Variants in POU2F1 observed in about 807,000 individuals in gnomAD.
POU2F1 encodes the protein POU class 2 homeobox 1, also known as POU domain, class 2, transcription factor 1.
POU2F1 carries 16 observed loss-of-function variants against 84.9 expected under a neutral mutation model. The ratio of observed to expected loss-of-function variants is 0.19; its 90% CI spans 0.13 to 0.29. The LOEUF is 0.29. POU2F1 is among the 10% of genes least tolerant of loss of function. The probability of loss-of-function intolerance (pLI) is 1.00; values close to 1 mark genes in which losing one functional copy is unlikely to be tolerated. For missense variants in POU2F1, 738 were observed against 942.6 expected (o/e 0.78, Z 2.84); for synonymous variants, 368 against 368.3 (o/e 1.00, Z 0.01).
intron 1 of POU2F1, among the ~76,000 whole-genome samples, chr1:167,298,684 C>T (rs987329820): frequency 1.7e-4 from 26 of 152,102 alleles, no homozygotes; most frequent in South Asian, 4.1e-4. Context: ...ATAATACTGA[C>T]GGCATTTAGC....
chr1:167,250,157 C>T (rs1650615116), intron 1 of POU2F1, among the ~76,000 whole-genome samples: 1 of 151,642 alleles, frequency 6.6e-6, no homozygotes, highest in Non-Finnish European at 1.5e-5. Context: ...TCATTCTGGA[C>T]AATCTGTTCT....
intron 15 of POU2F1, 120 bp from the exon 16 acceptor site, chr1:167,415,380 G>A (rs1650232857): frequency 8.3e-6 from 9 of 1,081,534 alleles, no homozygotes; most frequent in Admixed American, 7.3e-5. Context: ...TTCAGTGAAG[G>A]GCTATACTTT....
At chr1:167,302,864 A>T (rs536253398) in intron 1 of POU2F1, among the ~76,000 whole-genome samples, 2 of 152,290 alleles carry the variant, frequency 1.3e-5, no homozygotes, top group African/African-American at 4.8e-5. Context: ...TTATTGGTTT[A>T]TGTTGTTTGA....
rs1159949867 is a variant in POU2F1, at chr1:167,424,444, A to G, written c.*8634A>G. On this transcript the variant is annotated 3_prime_UTR_variant, in exon 16 of 16. Transcript: ENST00000367866. ...CATAAGTCTGTACTTCCATCCCCTC[A>G]TCTGTGGTAGTAGTGAAGGCTAGGT... 6.6e-6 allele frequency: 1 copy of G among 152,270 alleles called. No individual in the cohort carries two copies. Among genetic ancestry groups the G allele is most frequent in the Non-Finnish European group, 1.5e-5 (1 of 68,094 alleles). 9.4% of individuals were successfully genotyped at this position (152,270 alleles called of 1,614,324 possible).
At chr1:167,266,307 T>C (rs1571195641) in intron 1 of POU2F1, among the ~76,000 whole-genome samples, 1 of 152,210 alleles carries the variant, frequency 6.6e-6, no homozygotes, top group Non-Finnish European at 1.5e-5. Flanking sequence ...TTTGGAAATA[T>C]CCAGTGCTTT....
At chr1:167,360,144 T>C (rs553876016) in intron 2 of POU2F1, among the ~76,000 whole-genome samples, 32 of 152,310 alleles carry the variant, frequency 2.1e-4, no homozygotes, top group African/African-American at 7.5e-4. Context: ...TAGTTTCTTT[T>C]GATAGTTGGT....
chr1:167,317,922 C>T (rs1260516325), intron 1 of POU2F1, among the ~76,000 whole-genome samples: 5 of 152,160 alleles, frequency 3.3e-5, no homozygotes, highest in Admixed American at 2.0e-4. Flanking sequence ...TCGCAGGAGT[C>T]GGGATCTGCA....
chr1:167,252,159 G>A (rs1350188216), intron 1 of POU2F1, among the ~76,000 whole-genome samples: 1 of 152,092 alleles, frequency 6.6e-6, no homozygotes, highest in African/African-American at 2.4e-5. Context: ...ACCGCTGCAA[G>A]TCTCTTCTTC....
intron 15 of POU2F1, 138 bp from the exon 16 acceptor site, chr1:167,415,362 G>GA: frequency 3.3e-6 from 3 of 917,586 alleles, no homozygotes; most frequent in Non-Finnish European, 4.9e-6. Context: ...TGTGTTTGAG[G>GA]AAAAAAATTC....
intron 2 of POU2F1, among the ~76,000 whole-genome samples, chr1:167,343,502 A>G (rs1657990383): frequency 6.6e-6 from 1 of 152,056 alleles, no homozygotes; most frequent in Non-Finnish European, 1.5e-5. Context: ...TTTTTGGTAT[A>G]AAAGAATTTT....
At chr1:167,392,266 G>A (rs1464081562) in intron 9 of POU2F1, among the ~76,000 whole-genome samples, 1 of 151,832 alleles carries the variant, frequency 6.6e-6, no homozygotes, top group East Asian at 1.9e-4. Context: ...CAGGGACAGT[G>A]GCTTCAACCT....
chr1:167,247,716 T>C (rs1287660138), intron 1 of POU2F1, among the ~76,000 whole-genome samples: 1 of 152,240 alleles, frequency 6.6e-6, no homozygotes, highest in Non-Finnish European at 1.5e-5. Context: ...AAGTGGAATA[T>C]GTCTTTATGA....
intron 1 of POU2F1, among the ~76,000 whole-genome samples, chr1:167,289,718 G>A (rs1030145456): frequency 1.3e-5 from 2 of 152,148 alleles, no homozygotes; most frequent in Non-Finnish European, 2.9e-5. Context: ...CAGGTCTTAG[G>A]AGTTACACTA....
rs563729278 is a variant in POU2F1 at position 167,333,199 on chromosome 1, A to G, written c.127+664A>G. ...ATATAAATGAGAATACTGAGGCCCC[A>G]TGAGAGAAAGGTAAATCTGTAAAGG... is the stretch of plus-strand genomic sequence containing the variant. On this transcript the variant is annotated intron_variant, in intron 2 of 15. Coordinates refer to ENST00000367866, the MANE Select transcript of POU2F1 (RefSeq NM_002697.4). Among the ~76,000 whole-genome samples the G allele has an allele frequency of 1.3e-3, 202 of 152,304 alleles. 1 individual carries two copies. Among genetic ancestry groups the G allele is most frequent in the African/African-American group, 4.5e-3 (189 of 41,566 alleles).
At chr1:167,262,310 T>G (rs538167577) in intron 1 of POU2F1, among the ~76,000 whole-genome samples, 3 of 152,132 alleles carry the variant, frequency 2.0e-5, no homozygotes, top group Non-Finnish European at 4.4e-5. Flanking sequence ...GGACTAGGGG[T>G]GCCCACCACT....
chr1:167,336,245 A>G (rs1657434992), intron 2 of POU2F1, among the ~76,000 whole-genome samples: 1 of 152,240 alleles, frequency 6.6e-6, no homozygotes, highest in Non-Finnish European at 1.5e-5. Context: ...AATTAACTGC[A>G]TTACCTACTA....
chr1:167,395,409 A>G (rs1386337365), intron 9 of POU2F1, among the ~76,000 whole-genome samples: 1 of 152,150 alleles, frequency 6.6e-6, no homozygotes, highest in Non-Finnish European at 1.5e-5. Context: ...TGAAATCCAA[A>G]CTAGGAGTGA....
At chr1:167,303,175 TA>T (rs974597425) in intron 1 of POU2F1, among the ~76,000 whole-genome samples, 5 of 151,876 alleles carry the variant, frequency 3.3e-5, no homozygotes, top group African/African-American at 7.2e-5. Flanking sequence ...ATGCACCCTT[TA>T]AAAAAAACCT....
At chr1:167,301,803 C>T (rs943580601) in intron 1 of POU2F1, among the ~76,000 whole-genome samples, 4 of 152,128 alleles carry the variant, frequency 2.6e-5, no homozygotes, top group African/African-American at 4.8e-5. Flanking sequence ...CTATTCCTTA[C>T]GGTGTTTTTT....
Sources: gnomAD v4.1 joint callset for allele counts (sites outside exome capture counted in the v4.1 genomes callset) on GRCh38, gnomAD v4.1.1 for gene constraint, MANE v1.5 for transcripts, NCBI Gene and HGNC (gene_info 2026-07-23, HGNC 2026-07-21) for gene names.